The following ADARB1 variants were observed in gnomAD, a reference collection of about 807,000 sequenced individuals.
ADARB1 encodes double-stranded RNA-specific editase 1.
In ADARB1, 10 loss-of-function variants were observed where a neutral mutation model predicts 52.4. That is an observed-to-expected ratio of 0.19 (90% CI 0.12 to 0.32). The LOEUF (loss-of-function observed/expected upper bound fraction) is 0.32, where lower values mean the gene tolerates loss of function less well. ADARB1 is among the 10% of genes least tolerant of loss of function. ADARB1 has a pLI of 1.00. For missense variants in ADARB1, 643 were observed against 922.3 expected (o/e 0.70, Z 3.92); for synonymous variants, 349 against 371.1 (o/e 0.94, Z 0.68).
At chr21:45,110,357 A>G (rs187756843) in intron 1 of ADARB1, among the ~76,000 whole-genome samples, 1 of 152,320 alleles carries the variant, frequency 6.6e-6, no homozygotes, top group Non-Finnish European at 1.5e-5. Context: ...GAAAACCAGT[A>G]CATTTCTGTG....
chr21:45,134,066 T>C (rs1379895393), intron 2 of ADARB1, among the ~76,000 whole-genome samples: 1 of 113,734 alleles, frequency 8.8e-6, no homozygotes, highest in African/African-American at 3.5e-5. Flanking sequence ...GACAGTGGTG[T>C]GTGCGCCCGC....
chr21:45,135,327 C>G (rs73384721), intron 2 of ADARB1, among the ~76,000 whole-genome samples: 1 of 152,336 alleles, frequency 6.6e-6, no homozygotes, highest in South Asian at 2.1e-4. Context: ...GTGTGCTGAC[C>G]GGCCTGCCAG....
chr21:45,189,326 A>T (rs1357532491), intron 8 of ADARB1, among the ~76,000 whole-genome samples: 1 of 152,170 alleles, frequency 6.6e-6, no homozygotes, highest in East Asian at 1.9e-4. Context: ...TTCTATTTTA[A>T]CTTAAACTTC....
rs186712651 is a variant in ADARB1, at chr21:45,127,995, G to A, written c.-219-407G>A. Among the ~76,000 whole-genome samples the A allele has an allele frequency of 3.1e-3, 476 of 152,336 alleles. 3 individuals carry two copies. Among genetic ancestry groups the A allele is most frequent in the Middle Eastern group, 0.014 (4 of 294 alleles). ...TCCAAACCCGGGCAGAGCACGTGCA[G>A]GGATGGTGCGTCTCTGTATCTGGAC... On this transcript the variant is annotated intron_variant, in intron 1 of 10. Transcript: ENST00000348831.
chr21:45,186,902 C>T (rs1276976860), intron 8 of ADARB1, among the ~76,000 whole-genome samples: 1 of 152,246 alleles, frequency 6.6e-6, no homozygotes, highest in Admixed American at 6.5e-5. Context: ...ATTCTTTATG[C>T]CAGTGTCATG....
chr21:45,182,208 A>G (rs758020762), intron 5 of ADARB1, among the ~76,000 whole-genome samples: 4 of 152,232 alleles, frequency 2.6e-5, no homozygotes, highest in Non-Finnish European at 1.5e-5. Context: ...TTTGATGTCA[A>G]GATTAATTAC....
intron 1 of ADARB1, among the ~76,000 whole-genome samples, chr21:45,084,554 T>A (rs2086267965): frequency 1.3e-5 from 2 of 152,260 alleles, no homozygotes; most frequent in Non-Finnish European, 2.9e-5. Flanking sequence ...TTAGGGGGAC[T>A]AGACTGTGTT....
At chr21:45,125,705 C>T (rs551752245) in intron 1 of ADARB1, among the ~76,000 whole-genome samples, 26 of 152,254 alleles carry the variant, frequency 1.7e-4, no homozygotes, top group Non-Finnish European at 3.4e-4. Context: ...TTAATTTGGG[C>T]TTTTTCTCTT....
intron 8 of ADARB1, among the ~76,000 whole-genome samples, chr21:45,186,195 G>A (rs2092100164): frequency 6.6e-6 from 1 of 152,206 alleles, no homozygotes; most frequent in Non-Finnish European, 1.5e-5. Context: ...ATACTATGCT[G>A]TAAATCCTAT....
At chr21:45,196,143 G>C (rs573408987) in intron 8 of ADARB1, among the ~76,000 whole-genome samples, 1 of 151,968 alleles carries the variant, frequency 6.6e-6, no homozygotes, top group Non-Finnish European at 1.5e-5. Context: ...CAGTTTTGGG[G>C]GTGTTAGTGT....
chr21:45,180,953 G>A (rs1181211018), intron 5 of ADARB1, among the ~76,000 whole-genome samples: 1 of 152,114 alleles, frequency 6.6e-6, no homozygotes, highest in East Asian at 1.9e-4. Flanking sequence ...AGGAACCCCC[G>A]AGTCCTCTCC....
rs1300649519 is a variant in ADARB1 at position 45,223,996 on chromosome 21, G to A, written c.*1799G>A. On this transcript the variant is annotated 3_prime_UTR_variant, in exon 11 of 11. Transcript: ENST00000348831. ...GCGTCTCTGCCGCTCCGTCACCACA[G>A]TGGGGTTTTGTTCAGGCAGATCGCG... 3 of 985,352 alleles carry A rather than the reference G, an allele frequency of 3.0e-6. No homozygotes were observed. The highest frequency in any genetic ancestry group is 5.2e-4 in the Middle Eastern group (1 of 1,938). 61.0% of individuals were successfully genotyped at this position (985,352 alleles called of 1,614,324 possible).
rs150318827 is a variant in ADARB1, at chr21:45,175,898, G to T, written c.197G>T (p.Arg66Leu). The change falls in exon 4 of 11, where the codon CGC (arginine) becomes CTC (leucine). Residue 66 changes from arginine to leucine, a missense_variant. Transcript: ENST00000348831. Reference sequence around the variant, plus strand: ...GGCAGCAATGGCCACTCCAAGTACCGCCTGAAGAAAAGGAGGAAAACACCA... The same window carrying T: ...GGCAGCAATGGCCACTCCAAGTACCTCCTGAAGAAAAGGAGGAAAACACCA... ...EEGSNGHSKY[R>L]LKKRRKTPGP... The T allele has an allele frequency of 1.9e-6, 3 of 1,610,396 alleles. No individual in the cohort carries two copies. Among genetic ancestry groups the T allele is most frequent in the Non-Finnish European group, 2.5e-6 (3 of 1,178,466 alleles).
intron 1 of ADARB1, among the ~76,000 whole-genome samples, chr21:45,081,684 A>C (rs1243314185): frequency 6.6e-6 from 1 of 152,126 alleles, no homozygotes; most frequent in African/African-American, 2.4e-5. Context: ...TGGCATCAAG[A>C]GGGTGGCTCC....
intron 8 of ADARB1, among the ~76,000 whole-genome samples, chr21:45,198,072 T>TTA (rs1266119135): frequency 1.3e-5 from 2 of 152,118 alleles, no homozygotes; most frequent in Non-Finnish European, 2.9e-5. Flanking sequence ...GAGAAAATGC[T>TTA]TATATAAGTA....
intron 8 of ADARB1, among the ~76,000 whole-genome samples, chr21:45,185,703 A>G (rs1468022178): frequency 1.3e-5 from 2 of 152,216 alleles, no homozygotes; most frequent in South Asian, 2.1e-4. Context: ...TTCAGATGGT[A>G]TCAGTTCCAG....
In ADARB1 at chr21:45,226,256, A is replaced by T. The variant is rs938196682; in HGVS notation, c.*4059A>T. The T allele has an allele frequency of 6.6e-6, 1 of 152,572 alleles. No individual in the cohort carries two copies. The highest frequency in any genetic ancestry group is 6.5e-5 in the Admixed American group (1 of 15,288). 9.5% of individuals were successfully genotyped at this position (152,572 alleles called of 1,614,324 possible). On this transcript the variant is annotated 3_prime_UTR_variant, in exon 11 of 11. Transcript: ENST00000348831. ...CCATTAAACATGAACTGAACGGTTAAAAGCACAGTCTATGGAACGCTAATG... is the reference window on the plus strand; with the variant it reads ...CCATTAAACATGAACTGAACGGTTATAAGCACAGTCTATGGAACGCTAATG...
In ADARB1 at chr21:45,224,586, G is replaced by A. The variant is rs1256705512; in HGVS notation, c.*2389G>A. On this transcript the variant is annotated 3_prime_UTR_variant, in exon 11 of 11. Coordinates refer to ENST00000348831, the MANE Select transcript of ADARB1 (RefSeq NM_001112.4). ...GGGTTCGGGGTGCCCTGGGCAGGGGGCTACTGGGGGGCGGCTGTGAGGAGG... is the reference window on the plus strand; with the variant it reads ...GGGTTCGGGGTGCCCTGGGCAGGGGACTACTGGGGGGCGGCTGTGAGGAGG... 1 of 656,422 alleles carries A rather than the reference G, an allele frequency of 1.5e-6. No individual in the cohort carries two copies. Among genetic ancestry groups the A allele is most frequent in the Non-Finnish European group, 1.7e-6 (1 of 577,214 alleles). 40.7% of individuals were successfully genotyped at this position (656,422 alleles called of 1,614,324 possible).
intron 1 of ADARB1, among the ~76,000 whole-genome samples, chr21:45,123,307 AATT>A (rs1386838003): frequency 2.0e-5 from 3 of 151,678 alleles, no homozygotes; most frequent in East Asian, 3.9e-4. Flanking sequence ...AATTAATTAT[AATT>A]ATTATTATTT....
Sources: gnomAD v4.1 joint callset for allele counts (sites outside exome capture counted in the v4.1 genomes callset) on GRCh38, gnomAD v4.1.1 for gene constraint, MANE v1.5 for transcripts, NCBI Gene and HGNC (gene_info 2026-07-23, HGNC 2026-07-21) for gene names.